Variants in CAB39L observed in about 807,000 individuals in gnomAD.
The protein encoded by CAB39L is calcium binding protein 39 like.
In CAB39L, 23 loss-of-function variants were observed where a neutral mutation model predicts 39.1. That is an observed-to-expected ratio of 0.59 (90% CI 0.42 to 0.83). The LOEUF (loss-of-function observed/expected upper bound fraction) is 0.83. CAB39L is among the 40% of genes least tolerant of loss of function. The pLI, the probability that CAB39L is intolerant of heterozygous loss-of-function variation, is 0.00. For synonymous variants in CAB39L, 126 were observed against 137.2 expected (o/e 0.92, Z 0.57); for missense variants, 366 against 391.9 (o/e 0.93, Z 0.56).
At chr13:49,355,046 C>T (rs889597674) in intron 6 of CAB39L, among the ~76,000 whole-genome samples, 6 of 152,008 alleles carry the variant, frequency 3.9e-5, no homozygotes, top group African/African-American at 4.8e-5. Flanking sequence ...TAGTCAAGAA[C>T]GTATGTTTCT....
At chr13:49,392,086 T>C (rs979124558) in intron 3 of CAB39L, among the ~76,000 whole-genome samples, 39 of 151,592 alleles carry the variant, frequency 2.6e-4, no homozygotes, top group African/African-American at 7.5e-4. Context: ...ATATAAGAAA[T>C]GCAGAGTTCA....
At chr13:49,335,524 A>C (rs1264674582) in intron 9 of CAB39L, among the ~76,000 whole-genome samples, 2 of 152,234 alleles carry the variant, frequency 1.3e-5, no homozygotes, top group Non-Finnish European at 2.9e-5. Flanking sequence ...CTATAAAGCA[A>C]TACTATACCA....
At chr13:49,437,918 T>C (rs1355604522) in intron 1 of CAB39L, among the ~76,000 whole-genome samples, 2 of 152,188 alleles carry the variant, frequency 1.3e-5, no homozygotes, top group South Asian at 4.1e-4. Context: ...CCTCCTGCGT[T>C]CAAGAGATCC....
At chr13:49,439,421 A>G (rs1013142243) in intron 1 of CAB39L, among the ~76,000 whole-genome samples, 1 of 152,184 alleles carries the variant, frequency 6.6e-6, no homozygotes, top group East Asian at 1.9e-4. Context: ...TATACTCAAC[A>G]GTTAGTTTTT....
intron 6 of CAB39L, among the ~76,000 whole-genome samples, chr13:49,356,953 G>A (rs1357118260): frequency 6.6e-6 from 1 of 151,710 alleles, no homozygotes; most frequent in Admixed American, 6.6e-5. Context: ...GGAGGCTGAG[G>A]CAGGAGAATC....
In CAB39L at chr13:49,309,246, G is replaced by A. The variant is rs1391058409; in HGVS notation, c.*1568C>T. The A allele has an allele frequency of 5.9e-5, 9 of 152,240 alleles. No homozygotes were observed. Among genetic ancestry groups the A allele is most frequent in the East Asian group, 3.9e-4 (2 of 5,192 alleles). 9.4% of individuals were successfully genotyped at this position (152,240 alleles called of 1,614,324 possible). A position where few individuals can be genotyped will look rare whatever the true frequency, so the allele number is the denominator to read the frequency against. On this transcript the variant is annotated 3_prime_UTR_variant, in exon 11 of 11. Transcript: ENST00000409308. ...CCAGGGAGGCCACAGCTGCCAAAGC[G>A]GGGAGGTGCGCCAGGCCCCACATCA...
intron 1 of CAB39L, among the ~76,000 whole-genome samples, chr13:49,439,415 C>A (rs894745257): frequency 4.6e-5 from 7 of 152,170 alleles, no homozygotes; most frequent in African/African-American, 1.7e-4. Context: ...GGGCATTATA[C>A]TCAACAGTTA....
intron 5 of CAB39L, among the ~76,000 whole-genome samples, chr13:49,363,009 G>T (rs137868071): frequency 8.9e-4 from 135 of 152,232 alleles, no homozygotes; most frequent in African/African-American, 3.0e-3. Flanking sequence ...TACCCTTCAG[G>T]CATGAAGGAG....
intron 2 of CAB39L, 34 bp downstream of exon 2, chr13:49,434,052 C>T (rs1957369175): frequency 2.3e-6 from 1 of 427,952 alleles, no homozygotes; most frequent in Non-Finnish European, 4.6e-6. Context: ...TATGCGTGTG[C>T]TTGTTTCCCC....
chr13:49,343,025 G>A (rs1955047967), intron 8 of CAB39L, among the ~76,000 whole-genome samples: 1 of 152,044 alleles, frequency 6.6e-6, no homozygotes. Flanking sequence ...AAGTTACATA[G>A]TGGCTCTCAT....
intron 3 of CAB39L, among the ~76,000 whole-genome samples, chr13:49,413,364 T>A (rs1957029396): frequency 6.6e-6 from 1 of 152,144 alleles, no homozygotes; most frequent in South Asian, 2.1e-4. Flanking sequence ...AACAACATAT[T>A]TCCTGAGGAT....
At chr13:49,372,156 T>C (rs1029820571) in intron 5 of CAB39L, among the ~76,000 whole-genome samples, 1 of 152,102 alleles carries the variant, frequency 6.6e-6, no homozygotes. Flanking sequence ...TAGCCAAACC[T>C]CAAAAAACAC....
At chr13:49,385,299 TA>T (rs1437420169) in intron 3 of CAB39L, among the ~76,000 whole-genome samples, 1 of 152,240 alleles carries the variant, frequency 6.6e-6, no homozygotes, top group Non-Finnish European at 1.5e-5. Context: ...GCATCTTCCT[TA>T]CCTCTCTCAG....
intron 3 of CAB39L, among the ~76,000 whole-genome samples, chr13:49,389,277 T>C (rs1261866375): frequency 6.6e-6 from 1 of 152,218 alleles, no homozygotes; most frequent in Non-Finnish European, 1.5e-5. Context: ...TCCGTATTCA[T>C]TGCAACCTTA....
At chr13:49,442,836 G>GT (rs1247920877) in intron 1 of CAB39L, among the ~76,000 whole-genome samples, 1 of 142,194 alleles carries the variant, frequency 7.0e-6, no homozygotes. Flanking sequence ...TTATTTTGCT[G>GT]TTTGTTTTGT....
At chr13:49,439,959 C>T (rs184815704) in intron 1 of CAB39L, among the ~76,000 whole-genome samples, 1 of 91,420 alleles carries the variant, frequency 1.1e-5, no homozygotes, top group Non-Finnish European at 2.0e-5. Flanking sequence ...GAATTAACTT[C>T]CTTATAGATT....
intron 3 of CAB39L, among the ~76,000 whole-genome samples, chr13:49,398,124 T>C (rs1423493375): frequency 6.6e-6 from 1 of 152,070 alleles, no homozygotes; most frequent in East Asian, 1.9e-4. Flanking sequence ...CCCAAGCTGT[T>C]CAAAGTTGAT....
chr13:49,418,834 TAC>T (rs759116281), intron 3 of CAB39L, among the ~76,000 whole-genome samples: 8 of 152,118 alleles, frequency 5.3e-5, no homozygotes, highest in Non-Finnish European at 7.4e-5. Flanking sequence ...GTGCTGGAAT[TAC>T]AGACATGAGC....
intron 10 of CAB39L, among the ~76,000 whole-genome samples, chr13:49,321,696 G>A (rs1954348239): frequency 6.6e-6 from 1 of 152,194 alleles, no homozygotes. Context: ...GGCAAGGAGG[G>A]GAAAAGGGGC....
Sources: allele counts gnomAD v4.1 joint callset (sites outside exome capture counted in the v4.1 genomes callset), GRCh38; gene constraint gnomAD v4.1.1; transcripts MANE v1.5; gene names NCBI Gene and HGNC (gene_info 2026-07-23, HGNC 2026-07-21).